WNK4: variants seen among roughly 807,000 people sequenced by gnomAD.
WNK4 encodes serine/threonine-protein kinase WNK4.
A neutral mutation model predicts 116.2 loss-of-function variants in WNK4; 94 were observed. That is an observed-to-expected ratio of 0.81 (90% confidence interval 0.68 to 0.96). The LOEUF is 0.96. Ranked by LOEUF, WNK4 falls within the 40% of genes least tolerant of loss-of-function variation. The probability of loss-of-function intolerance (pLI) is 0.00; values close to 1 mark genes in which losing one functional copy is unlikely to be tolerated. For missense variants in WNK4, 1,542 were observed against 1,650.6 expected, an observed-to-expected ratio of 0.93 and a Z score of 1.14; for synonymous variants, 655 against 672.7, an observed-to-expected ratio of 0.97 and a Z score of 0.41.
intron 7 of WNK4, 31 bp from the exon 8 acceptor site, chr17:42,787,747 C>T (rs543525644): frequency 1.9e-6 from 3 of 1,609,120 alleles, no homozygotes; most frequent in Non-Finnish European, 2.5e-6. Context: ...TTTTATTTCC[C>T]CTTTTTTTGA....
At position 42,796,902 on chromosome 17, in the gene WNK4, T is replaced by C; in HGVS notation, c.*214T>C. The C allele has an allele frequency of 1.1e-6, 1 of 903,494 alleles. No homozygotes were observed. Among genetic ancestry groups the C allele is most frequent in the Non-Finnish European group, 1.6e-6 (1 of 606,730 alleles). 56.0% of individuals were successfully genotyped at this position (903,494 alleles called of 1,614,324 possible). On this transcript the variant is annotated 3_prime_UTR_variant, in exon 19 of 19. Transcript: ENST00000246914. The stretch of plus-strand genomic sequence containing the variant: ...TGCTGTGTGGAGGTGTTAGTTCTGC[T>C]GCCTACCATCTTCATCTCTAGCACC...
chr17:42,795,176 A>C lies in WNK4; in HGVS notation c.2755A>C (p.Thr919Pro). 1 of 1,612,752 alleles carries C rather than the reference A, an allele frequency of 6.2e-7. No homozygotes were observed. Among genetic ancestry groups the C allele is most frequent in the Non-Finnish European group, 8.5e-7 (1 of 1,179,724 alleles). ...CPSTSSFPST[T>P]AAPLLSLASA... is the part of the protein sequence containing the mutation. ...CTCCACTTCTTCCTTCCCCTCCACC[A>C]CAGCAGCCCCTCTCCTTTCTCTGGC... Residue 919 changes from threonine (T) to proline (P), a missense_variant, in exon 14 of 19, where the codon ACA becomes CCA. This residue lies in a region of WNK4 where 292 missense variants were observed against 290.1 expected (regional missense o/e 1.01). Transcript: ENST00000246914.
chr17:42,784,599 C>T lies in WNK4; in HGVS notation c.1170+20C>T, dbSNP rs777859949. The T allele has an allele frequency of 1.2e-6, 2 of 1,613,706 alleles. No individual in the cohort carries two copies. The highest frequency in any genetic ancestry group is 1.3e-5 in the African/African-American group (1 of 74,888). ...ACTTCGGTGAGAGGGATGGGGCTGG[C>T]GGGAAAGGCAATTCCAGGGCCACTT... On this transcript the variant is annotated intron_variant, in intron 4 of 18. Transcript: ENST00000246914. This position sits in a 1 kb window ranked among gnomAD's most constrained non-coding sequence, Gnocchi z 4.4.
chr17:42,795,600 T>A, intron 15 of WNK4, 25 bp from the exon 16 acceptor site: 1 of 1,614,192 alleles, frequency 6.2e-7, no homozygotes, highest in Non-Finnish European at 8.5e-7. Flanking sequence ...CCTTTCCTCA[T>A]GCCTTCTTCC....
chr17:42,781,417 A>G (rs1018023016), intron 1 of WNK4, 101 bp downstream of exon 1: 1 of 1,509,928 alleles, frequency 6.6e-7, no homozygotes, highest in East Asian at 2.3e-5. Context: ...GGAAGCATGT[A>G]TTTTTCCAGT....
rs1464340505 is a variant in WNK4, at chr17:42,782,961, G to C, written c.791+31G>C. ...CTCTGCGCATGAGTGGGTGGGGAGAGGGAGGCTGGGATGTGTGCCCACTGC... is the reference window on the plus strand; with the variant it reads ...CTCTGCGCATGAGTGGGTGGGGAGACGGAGGCTGGGATGTGTGCCCACTGC... On this transcript the variant is annotated intron_variant, in intron 2 of 18. Transcript: ENST00000246914. The surrounding 1 kb of genome is among the most constrained non-coding windows in gnomAD (Gnocchi z 4.2). 1 of 1,610,550 alleles carries C rather than the reference G, an allele frequency of 6.2e-7. No homozygotes were observed. The highest frequency in any genetic ancestry group is 8.5e-7 in the Non-Finnish European group (1 of 1,178,540).
At chr17:42,788,067 A>G in intron 8 of WNK4, 63 bp from the exon 9 acceptor site, 3 of 1,601,158 alleles carry the variant, frequency 1.9e-6, no homozygotes, top group South Asian at 2.2e-5. Context: ...CATCCTTGAC[A>G]CCATCTCCCT....
chr17:42,795,435 CCTTCT>C, intron 14 of WNK4, 21 bp from the exon 15 acceptor site: 1 of 1,614,170 alleles, frequency 6.2e-7, no homozygotes, highest in Non-Finnish European at 8.5e-7. Flanking sequence ...TGCACTCTTC[CCTTCT>C]CATGGCCCCC....
Position 42,783,963 on chromosome 17 carries a change from A to G in WNK4, c.818A>G (p.Lys273Arg), listed in dbSNP as rs759121084. 15 of 1,613,672 alleles carry G rather than the reference A, an allele frequency of 9.3e-6. No individual in the cohort carries two copies. Among genetic ancestry groups the G allele is most frequent in the Non-Finnish European group, 8.5e-7 (1 of 1,179,954 alleles). ...TACCTGAGGCGGTTCCGGGAGATGA[A>G]GCCGCGGGTCCTTCAGCGCTGGAGC... is the stretch of plus-strand genomic sequence containing the variant. ...KTYLRRFREM[K>R]PRVLQRWSRQ... is the part of the protein sequence containing the mutation. The change falls in exon 3 of 19, where the codon AAG (lysine) becomes AGG (arginine). Residue 273 changes from lysine (K) to arginine (R), a missense_variant. Physicochemically the swap from Lys to Arg is conservative, Grantham distance 26. Around this residue, in one of 7 missense-constraint regions of WNK4, gnomAD observed 808 missense variants for 873.6 expected, o/e 0.92. Transcript: ENST00000246914.
In WNK4 at chr17:42,783,969, G is replaced by A. The variant is rs2054513226; in HGVS notation, c.824G>A (p.Arg275Gln). The A allele has an allele frequency of 1.9e-6, 3 of 1,613,818 alleles. No individual in the cohort carries two copies. The highest frequency in any genetic ancestry group is 2.7e-5 in the African/African-American group (2 of 74,924). Residue 275 changes from arginine (R) to glutamine (Q), a missense_variant, in exon 3 of 19, where the codon CGG becomes CAG. Coordinates refer to ENST00000246914, the MANE Select transcript of WNK4 (RefSeq NM_032387.5). ...AGGCGGTTCCGGGAGATGAAGCCGCGGGTCCTTCAGCGCTGGAGCCGCCAA... is the reference window on the plus strand; with the variant it reads ...AGGCGGTTCCGGGAGATGAAGCCGCAGGTCCTTCAGCGCTGGAGCCGCCAA... ...YLRRFREMKP[R>Q]VLQRWSRQIL...
At position 42,784,179 on chromosome 17, in the gene WNK4, C is replaced by T; in HGVS notation, c.1012+22C>T. On this transcript the variant is annotated intron_variant, in intron 3 of 18. Transcript: ENST00000246914. The surrounding 1 kb of genome is among the most constrained non-coding windows in gnomAD (Gnocchi z 4.4). ...ATCGGTGCGTCTCTCCAGGAGGGTC[C>T]ATGCCATTCCTTCCTCCCCCACCTC... is the stretch of plus-strand genomic sequence containing the variant. 2 of 1,603,298 alleles carry T rather than the reference C, an allele frequency of 1.2e-6. No homozygotes were observed. The highest frequency in any genetic ancestry group is 1.1e-5 in the South Asian group (1 of 91,060).
intron 2 of WNK4, 149 bp downstream of exon 2, chr17:42,783,079 G>C (rs2144002292): frequency 2.8e-6 from 3 of 1,080,286 alleles, no homozygotes; most frequent in East Asian, 2.6e-5. Context: ...TCCCTGCCTC[G>C]GTGAGTGGCA....
chr17:42,781,064 C>G lies in WNK4; in HGVS notation c.366C>G (p.Ser122=), dbSNP rs955893317. Residue 122 remains serine, a synonymous_variant, in exon 1 of 19, where the codon TCC becomes TCG. Transcript: ENST00000246914. ...EGAPVKAAED[S]ARPELPDSAV... is the part of the protein sequence containing the mutation. ...CCCCTGTGAAGGCTGCGGAAGACTC[C>G]GCGCGTCCCGAGCTCCCGGACTCTG... 2.5e-6 allele frequency: 4 copies of G among 1,612,054 alleles called. No homozygotes were observed. Among genetic ancestry groups the G allele is most frequent in the African/African-American group, 2.7e-5 (2 of 75,046 alleles).
At chr17:42,792,381 G>A (rs533445623) in intron 11 of WNK4, among the ~76,000 whole-genome samples, 1 of 152,204 alleles carries the variant, frequency 6.6e-6, no homozygotes, top group Admixed American at 6.5e-5. Flanking sequence ...AAAAAATTGT[G>A]ATTAAAAAAC....
At chr17:42,793,891 C>A (rs185425918) in intron 12 of WNK4, 162 bp downstream of exon 12, 2 of 877,808 alleles carry the variant, frequency 2.3e-6, no homozygotes, top group Admixed American at 2.3e-5. Flanking sequence ...CTCACTCTGT[C>A]GCCCAGGCTG....
chr17:42,793,827 T>G, intron 12 of WNK4, 98 bp downstream of exon 12: 1 of 1,494,392 alleles, frequency 6.7e-7, no homozygotes, highest in Non-Finnish European at 9.2e-7. Flanking sequence ...TTAACTCCTC[T>G]TCATCTCTGG....
intron 11 of WNK4, among the ~76,000 whole-genome samples, chr17:42,791,230 CTT>C (rs1225144506): frequency 1.3e-5 from 2 of 152,214 alleles, no homozygotes; most frequent in African/African-American, 4.8e-5. Flanking sequence ...GATCTGATCT[CTT>C]GATATTCACC....
Position 42,792,612 on chromosome 17 carries a change from G to A in WNK4, c.2158-980G>A, listed in dbSNP as rs537486533. On this transcript the variant is annotated intron_variant, in intron 11 of 18. Transcript: ENST00000246914. ...CACTTGTAAGTGCCTTACGTATTACGGGCTGCCTTGCAGTAAGTTTAATTA... is the reference window on the plus strand; with the variant it reads ...CACTTGTAAGTGCCTTACGTATTACAGGCTGCCTTGCAGTAAGTTTAATTA... Among the ~76,000 whole-genome samples the A allele has an allele frequency of 4.6e-5, 7 of 152,192 alleles. No homozygotes were observed. The East Asian group carries it at 9.6e-4, about 21-fold the overall frequency.
At chr17:42,785,916 C>A (rs1175517825) in intron 6 of WNK4, among the ~76,000 whole-genome samples, 1 of 152,186 alleles carries the variant, frequency 6.6e-6, no homozygotes, top group Non-Finnish European at 1.5e-5. Flanking sequence ...CACTATCGGT[C>A]CTGTCTTAAA....
Sources: gnomAD v4.1 joint callset for allele counts (sites outside exome capture counted in the v4.1 genomes callset) on GRCh38, gnomAD v4.1.1 for gene constraint, gnomAD v4.1.1 regional missense constraint, Gnocchi (gnomAD v3.1) non-coding constraint, MANE v1.5 for transcripts, NCBI Gene and HGNC (gene_info 2026-07-23, HGNC 2026-07-21) for gene names.